Variants in SRGAP1 observed in about 807,000 individuals in gnomAD.
SRGAP1 encodes SLIT-ROBO Rho GTPase activating protein 1.
SRGAP1 carries 43 observed loss-of-function variants against 121.9 expected under a neutral mutation model. That is an observed-to-expected ratio of 0.35 (90% CI 0.28 to 0.46). The LOEUF (loss-of-function observed/expected upper bound fraction) is 0.46. Ranked by LOEUF, SRGAP1 falls within the 20% of genes least tolerant of loss-of-function variation. SRGAP1 has a pLI of 1.00. For missense variants in SRGAP1, 1,102 were observed against 1,350.9 expected (o/e 0.82, Z 2.89); for synonymous variants, 447 against 485.4 (o/e 0.92, Z 1.04).
At chr12:63,855,632 C>T (rs574644974) in intron 1 of SRGAP1, among the ~76,000 whole-genome samples, 1 of 151,442 alleles carries the variant, frequency 6.6e-6, no homozygotes, top group Non-Finnish European at 1.5e-5. Flanking sequence ...GGACTACAGG[C>T]GTGCACCACC....
intron 1 of SRGAP1, among the ~76,000 whole-genome samples, chr12:63,951,152 CTTTTTTTTTTTT>C (rs58637983): frequency 0.011 from 491 of 44,216 alleles, 12 homozygotes; most frequent in African/African-American, 0.038. Flanking sequence ...ATTTAGAACT[CTTTTTTTTTTTT>C]TTTTTTTTTT....
At chr12:64,138,781 C>G (rs1480315233) in intron 21 of SRGAP1, among the ~76,000 whole-genome samples, 1 of 151,996 alleles carries the variant, frequency 6.6e-6, no homozygotes, top group Non-Finnish European at 1.5e-5. Flanking sequence ...ATGCTTTCAC[C>G]TACATGGTAG....
At chr12:63,955,720 A>C (rs1162413081) in intron 1 of SRGAP1, among the ~76,000 whole-genome samples, 1 of 152,020 alleles carries the variant, frequency 6.6e-6, no homozygotes, top group Non-Finnish European at 1.5e-5. Context: ...AAAAAAAAAA[A>C]CAAGCTTTTG....
intron 1 of SRGAP1, among the ~76,000 whole-genome samples, chr12:63,901,533 T>G (rs1353302149): frequency 6.6e-6 from 1 of 152,216 alleles, no homozygotes; most frequent in Non-Finnish European, 1.5e-5. Context: ...TCTTTCTGGT[T>G]GTTCCTGCTC....
chr12:63,954,683 A>AAAAAAAAAAAAAAAG (rs1389261361), intron 1 of SRGAP1, among the ~76,000 whole-genome samples: 2 of 147,796 alleles, frequency 1.4e-5, no homozygotes, highest in African/African-American at 5.1e-5. Context: ...ATCTCAAAAA[A>AAAAAAAAAAAAAAAG]AAAAAAAAAG....
intron 1 of SRGAP1, among the ~76,000 whole-genome samples, chr12:63,906,847 T>C (rs2030235510): frequency 6.6e-6 from 1 of 152,242 alleles, no homozygotes; most frequent in Middle Eastern, 3.4e-3. Context: ...TCCTAGTGAC[T>C]ATACTCACCC....
At chr12:63,884,197 C>T (rs1483121184) in intron 1 of SRGAP1, among the ~76,000 whole-genome samples, 10 of 151,818 alleles carry the variant, frequency 6.6e-5, no homozygotes, top group East Asian at 2.0e-4. Context: ...GCAGGAGAAT[C>T]GCTTGATCCC....
At chr12:64,074,221 C>G (rs2035694468) in intron 8 of SRGAP1, among the ~76,000 whole-genome samples, 1 of 152,170 alleles carries the variant, frequency 6.6e-6, no homozygotes, top group Admixed American at 6.5e-5. Context: ...GTTTCATCAT[C>G]TCTCAATGGG....
Position 64,157,343 on chromosome 12 carries a change from C to T in SRGAP1, c.*14671C>T, listed in dbSNP as rs1401691583. 6.6e-6 allele frequency: 1 copy of T among 152,064 alleles called. No homozygotes were observed. The highest frequency in any genetic ancestry group is 2.4e-5 in the African/African-American group (1 of 41,386). The allele number at this position is 152,064 out of a possible 1,614,324, so 9.4% of individuals were successfully genotyped here. On this transcript the variant is annotated 3_prime_UTR_variant, in exon 22 of 22. Coordinates refer to ENST00000355086, the MANE Select transcript of SRGAP1 (RefSeq NM_020762.4). ...AACCCCCCAAACTCAGTAACACAAT[C>T]AAGCTGTATTTCTCCTTCACATCAT...
chr12:63,990,617 T>G (rs762499519), intron 3 of SRGAP1, among the ~76,000 whole-genome samples: 2 of 152,210 alleles, frequency 1.3e-5, no homozygotes, highest in African/African-American at 2.4e-5. Flanking sequence ...GGCATACTTA[T>G]AGAGTTATAA....
intron 21 of SRGAP1, among the ~76,000 whole-genome samples, chr12:64,137,530 T>G (rs1284163638): frequency 6.6e-6 from 1 of 152,176 alleles, no homozygotes; most frequent in Non-Finnish European, 1.5e-5. Flanking sequence ...ATTAAAAAAA[T>G]GCAGATTATT....
Position 64,142,603 on chromosome 12 carries a change from A to C in SRGAP1, c.3189A>C (p.Pro1063=), listed in dbSNP as rs1316867892. The C allele has an allele frequency of 6.2e-7, 1 of 1,614,110 alleles. No homozygotes were observed. The highest frequency in any genetic ancestry group is 8.5e-7 in the Non-Finnish European group (1 of 1,180,044). ...PALRPKPAVL[P]KTNPTIGPAP... is the part of the protein sequence containing the mutation. ...TTAGGCCAAAACCTGCTGTTCTTCCAAAAACAAATCCTACCATAGGACCTG... is the reference window on the plus strand; with the variant it reads ...TTAGGCCAAAACCTGCTGTTCTTCCCAAAACAAATCCTACCATAGGACCTG... Residue 1063 remains proline (P), a synonymous_variant, in exon 22 of 22, where the codon CCA becomes CCC. Transcript: ENST00000355086.
intron 14 of SRGAP1, among the ~76,000 whole-genome samples, chr12:64,095,820 A>G (rs2036145277): frequency 6.6e-6 from 1 of 152,118 alleles, no homozygotes; most frequent in African/African-American, 2.4e-5. Context: ...ACAGTGTGTA[A>G]TGATCAAATC....
chr12:63,915,453 A>G (rs1366748131), intron 1 of SRGAP1, among the ~76,000 whole-genome samples: 2 of 152,236 alleles, frequency 1.3e-5, no homozygotes, highest in East Asian at 1.9e-4. Flanking sequence ...TTCTATTTGT[A>G]TGGAATATAA....
chr12:64,052,829 C>T (rs1393468128), intron 6 of SRGAP1, among the ~76,000 whole-genome samples: 3 of 151,996 alleles, frequency 2.0e-5, no homozygotes, highest in East Asian at 1.9e-4. Flanking sequence ...AAATCACTTT[C>T]GTTGTGTATC....
At chr12:63,938,271 A>G (rs1196231568) in intron 1 of SRGAP1, among the ~76,000 whole-genome samples, 3 of 152,150 alleles carry the variant, frequency 2.0e-5, no homozygotes, top group Non-Finnish European at 4.4e-5. Context: ...TAGCCAGTTC[A>G]CATTTCACCT....
intron 1 of SRGAP1, among the ~76,000 whole-genome samples, chr12:63,879,744 C>T (rs1053817551): frequency 1.3e-5 from 2 of 152,034 alleles, no homozygotes; most frequent in African/African-American, 2.4e-5. Context: ...TGAATTTATC[C>T]CTTCTACCTC....
intron 4 of SRGAP1, among the ~76,000 whole-genome samples, chr12:64,035,342 C>T (rs1289151869): frequency 6.6e-6 from 1 of 152,070 alleles, no homozygotes; most frequent in Non-Finnish European, 1.5e-5. Flanking sequence ...GCCCCTCTCC[C>T]ACCTCTGCAT....
At chr12:63,852,864 A>G (rs1471972829) in intron 1 of SRGAP1, among the ~76,000 whole-genome samples, 1 of 152,130 alleles carries the variant, frequency 6.6e-6, no homozygotes, top group African/African-American at 2.4e-5. Context: ...ATTAGAAATC[A>G]TTGTCTGTGC....
Sources: allele counts gnomAD v4.1 joint callset (sites outside exome capture counted in the v4.1 genomes callset), GRCh38; gene constraint gnomAD v4.1.1; transcripts MANE v1.5; gene names NCBI Gene and HGNC (gene_info 2026-07-23, HGNC 2026-07-21).